The following FBXW7 variants were observed in gnomAD, a reference collection of about 807,000 sequenced individuals.
FBXW7 encodes F-box and WD repeat domain containing 7, also known as F-box/WD repeat-containing protein 7.
FBXW7 carries 11 observed loss-of-function variants against 86.3 expected under a neutral mutation model. The observed-to-expected ratio is 0.13, with a 90% CI of 0.08 to 0.21. FBXW7 has a LOEUF of 0.21. FBXW7 is among the 10% of genes least tolerant of loss of function. The pLI, the probability that FBXW7 is intolerant of heterozygous loss-of-function variation, is 1.00. For missense variants in FBXW7, 488 were observed against 847.4 expected (o/e 0.58, Z 5.27); for synonymous variants, 313 against 297.9 (o/e 1.05, Z -0.52).
At chr4:152,331,806 T>C (rs994032435) in intron 8 of FBXW7, among the ~76,000 whole-genome samples, 1 of 152,130 alleles carries the variant, frequency 6.6e-6, no homozygotes. Context: ...CACAGATTAA[T>C]TCCACTTTAT....
intron 4 of FBXW7, among the ~76,000 whole-genome samples, chr4:152,384,311 T>G (rs1435706698): frequency 2.0e-5 from 3 of 151,970 alleles, no homozygotes; most frequent in Non-Finnish European, 4.4e-5. Context: ...ATAAACAAAA[T>G]GTGACATATA....
Position 152,321,469 on chromosome 4 carries a change from C to T in FBXW7, c.*1412G>A, listed in dbSNP as rs1349617644. The stretch of plus-strand genomic sequence containing the variant: ...AATAAACAGAAGGAGGAAAAAAGAT[C>T]GCCTAGGATACAGTGTTAAACCACT... On this transcript the variant is annotated 3_prime_UTR_variant, in exon 14 of 14. Coordinates refer to ENST00000281708, the MANE Select transcript of FBXW7 (RefSeq NM_001349798.2). The T allele has an allele frequency of 1.7e-5, 4 of 232,864 alleles. No homozygotes were observed. Among genetic ancestry groups the T allele is most frequent in the East Asian group, 6.1e-5 (1 of 16,494 alleles). The allele number at this position is 232,864 out of a possible 1,614,324, so 14.4% of individuals were successfully genotyped here.
At chr4:152,347,784 A>T (rs894437775) in intron 5 of FBXW7, among the ~76,000 whole-genome samples, 1 of 152,124 alleles carries the variant, frequency 6.6e-6, no homozygotes, top group Non-Finnish European at 1.5e-5. Context: ...TTGAAATTCA[A>T]TTCTGCCACT....
At chr4:152,482,323 A>C (rs565755516) in intron 2 of FBXW7, among the ~76,000 whole-genome samples, 98 of 152,362 alleles carry the variant, frequency 6.4e-4, no homozygotes, top group African/African-American at 2.2e-3. Flanking sequence ...AATATTGTAT[A>C]AACATAACTT....
At chr4:152,352,976 A>G in intron 4 of FBXW7, 2 of 1,328,548 alleles carry the variant, frequency 1.5e-6, no homozygotes, top group Admixed American at 6.5e-5. Flanking sequence ...CGCACTGAAC[A>G]GAGGGAGGAT....
At chr4:152,339,957 A>G (rs1038636742) in intron 6 of FBXW7, among the ~76,000 whole-genome samples, 5 of 150,738 alleles carry the variant, frequency 3.3e-5, no homozygotes, top group African/African-American at 1.2e-4. Context: ...AATATATGAG[A>G]CATATCTTTT....
At chr4:152,475,380 T>A (rs926740741) in intron 2 of FBXW7, among the ~76,000 whole-genome samples, 6 of 152,046 alleles carry the variant, frequency 3.9e-5, no homozygotes, top group African/African-American at 1.4e-4. Flanking sequence ...TGAGCTTTGA[T>A]CATACCGGTG....
intron 2 of FBXW7, among the ~76,000 whole-genome samples, chr4:152,476,303 C>T (rs1312721192): frequency 5.3e-5 from 8 of 152,088 alleles, no homozygotes; most frequent in Non-Finnish European, 1.2e-4. Context: ...TGAACTCTAC[C>T]TCATAACTTA....
intron 4 of FBXW7, among the ~76,000 whole-genome samples, chr4:152,370,018 T>C (rs532689414): frequency 6.6e-6 from 1 of 152,078 alleles, no homozygotes; most frequent in East Asian, 1.9e-4. Flanking sequence ...CTTCTAACAG[T>C]AACACAGATT....
chr4:152,478,441 T>C (rs919391449), intron 2 of FBXW7, among the ~76,000 whole-genome samples: 1 of 152,126 alleles, frequency 6.6e-6, no homozygotes, highest in Non-Finnish European at 1.5e-5. Context: ...ACTATATGTA[T>C]AAACACATTT....
intron 4 of FBXW7, among the ~76,000 whole-genome samples, chr4:152,408,817 C>A (rs1737669412): frequency 6.6e-6 from 1 of 152,172 alleles, no homozygotes; most frequent in African/African-American, 2.4e-5. Context: ...GTAGTGTAAT[C>A]TGGGGTGGAT....
chr4:152,439,673 G>A (rs767290267), intron 2 of FBXW7, among the ~76,000 whole-genome samples: 3 of 152,032 alleles, frequency 2.0e-5, no homozygotes, highest in Non-Finnish European at 2.9e-5. Flanking sequence ...AGACATCCTG[G>A]CTAACCCAGT....
rs76380560 is a variant in FBXW7, at chr4:152,437,748, C to A, written c.-119-25219G>T. Among the ~76,000 whole-genome samples the A allele has an allele frequency of 1.7e-3, 258 of 152,276 alleles. 1 individual carries two copies. The highest frequency in any genetic ancestry group is 6.0e-3 in the African/African-American group (250 of 41,554). On this transcript the variant is annotated intron_variant, in intron 2 of 13. Coordinates refer to ENST00000281708, the MANE Select transcript of FBXW7 (RefSeq NM_001349798.2). Reference sequence around the variant, plus strand: ...CAAACTTCATTGTTATTTTAAGAAACTGACACAGCCATTCCAACCCTCAGC... The same window carrying A: ...CAAACTTCATTGTTATTTTAAGAAAATGACACAGCCATTCCAACCCTCAGC...
intron 2 of FBXW7, among the ~76,000 whole-genome samples, chr4:152,432,594 G>A (rs754221756): frequency 3.9e-5 from 6 of 152,002 alleles, no homozygotes; most frequent in African/African-American, 7.3e-5. Context: ...ATCATTTGAG[G>A]TCAGGAGTTC....
chr4:152,446,084 C>T (rs1741365468), intron 2 of FBXW7, among the ~76,000 whole-genome samples: 1 of 152,032 alleles, frequency 6.6e-6, no homozygotes, highest in Non-Finnish European at 1.5e-5. Context: ...AACATAATGG[C>T]CAACCTTCTT....
chr4:152,375,990 T>A (rs1043299747), intron 4 of FBXW7, among the ~76,000 whole-genome samples: 4 of 152,090 alleles, frequency 2.6e-5, no homozygotes, highest in African/African-American at 9.7e-5. Flanking sequence ...TACTTTTGAA[T>A]ACCTACAGCC....
intron 2 of FBXW7, among the ~76,000 whole-genome samples, chr4:152,431,735 G>T (rs1314646452): frequency 6.6e-6 from 1 of 152,102 alleles, no homozygotes; most frequent in East Asian, 1.9e-4. Context: ...AATTTAAAAA[G>T]TAATAACAAG....
intron 2 of FBXW7, among the ~76,000 whole-genome samples, chr4:152,482,168 G>A (rs969148644): frequency 2.6e-5 from 4 of 152,098 alleles, no homozygotes; most frequent in Non-Finnish European, 4.4e-5. Flanking sequence ...CATCAACATC[G>A]AGTCAAGACC....
At position 152,329,538 on chromosome 4, in the gene FBXW7, GT is replaced by G. The variant is rs1729362806; in HGVS notation, c.1236+133del. 4 of 462,948 alleles carry G rather than the reference GT, an allele frequency of 8.6e-6. No individual in the cohort carries two copies. The East Asian group carries it at 1.4e-4, about 16-fold the overall frequency. The allele number at this position is 462,948 out of a possible 1,614,324, so 28.7% of individuals were successfully genotyped here. A position where few individuals can be genotyped will look rare whatever the true frequency, so the allele number is the denominator to read the frequency against. On this transcript the variant is annotated intron_variant, in intron 10 of 13. Transcript: ENST00000281708. Reference sequence around the variant, plus strand: ...TCATAAATATGGGGAAAAAAGCTAAGTTATGAGCTCTGATATTTGCTATCCA... The same window carrying G: ...TCATAAATATGGGGAAAAAAGCTAAGTATGAGCTCTGATATTTGCTATCCA...
Sources: allele counts gnomAD v4.1 joint callset (sites outside exome capture counted in the v4.1 genomes callset), GRCh38; gene constraint gnomAD v4.1.1; transcripts MANE v1.5; gene names NCBI Gene and HGNC (gene_info 2026-07-23, HGNC 2026-07-21).